The following SDK1 variants were observed in gnomAD, a reference collection of about 807,000 sequenced individuals.
SDK1 encodes sidekick cell adhesion molecule 1.
SDK1 carries 157 observed loss-of-function variants against 245.5 expected under a neutral mutation model. The observed-to-expected ratio is 0.64, with a 90% CI of 0.56 to 0.73. The LOEUF (loss-of-function observed/expected upper bound fraction) is 0.73, where lower values mean the gene tolerates loss of function less well. Ranked by LOEUF, SDK1 falls within the 30% of genes least tolerant of loss-of-function variation. The pLI, the probability that SDK1 is intolerant of heterozygous loss-of-function variation, is 0.00. For missense variants in SDK1, 3,583 were observed against 3,002.3 expected (o/e 1.19, Z -4.52); for synonymous variants, 1,647 against 1,278.5 (o/e 1.29, Z -6.15).
intron 1 of SDK1, among the ~76,000 whole-genome samples, chr7:3,415,490 CAAT>C (rs1276658763): frequency 1.3e-5 from 2 of 151,862 alleles, no homozygotes; most frequent in African/African-American, 2.4e-5. Flanking sequence ...GATTAAAAAA[CAAT>C]GATGAGTGAA....
At chr7:3,840,260 G>C (rs778764420) in intron 5 of SDK1, among the ~76,000 whole-genome samples, 2 of 152,172 alleles carry the variant, frequency 1.3e-5, no homozygotes, top group African/African-American at 4.8e-5. Context: ...TGGGAGGAGC[G>C]GAAGAGGAGG....
intron 22 of SDK1, among the ~76,000 whole-genome samples, chr7:4,096,530 A>C (rs1472490623): frequency 1.3e-5 from 2 of 152,188 alleles, no homozygotes; most frequent in Non-Finnish European, 2.9e-5. Flanking sequence ...TCTTCATCAT[A>C]AAATTCAGAG....
chr7:4,198,230 G>T (rs1456029585), intron 35 of SDK1, among the ~76,000 whole-genome samples: 1 of 152,136 alleles, frequency 6.6e-6, no homozygotes, highest in Non-Finnish European at 1.5e-5. Context: ...TCTGCTAGCG[G>T]CCCAAACCCA....
At chr7:4,167,251 G>A (rs934527149) in intron 32 of SDK1, among the ~76,000 whole-genome samples, 5 of 152,168 alleles carry the variant, frequency 3.3e-5, no homozygotes, top group East Asian at 3.9e-4. Context: ...TTAGCCGGGC[G>A]TGGTGGCGGG....
rs536845322 is a variant in SDK1 at position 3,596,836 on chromosome 7, T to C, written c.299-22244T>C. Among the ~76,000 whole-genome samples, 5 of 152,074 alleles carry C rather than the reference T, an allele frequency of 3.3e-5. No individual in the cohort carries two copies. In the South Asian group the frequency reaches 8.3e-4, roughly 25 times the overall value. On this transcript the variant is annotated intron_variant, in intron 1 of 44. Transcript: ENST00000404826. ...CTGCCACATCATCAGATAACACTTA[T>C]GAACAGAAAAAGGAAAGCACCATAA... is the stretch of plus-strand genomic sequence containing the variant.
intron 1 of SDK1, among the ~76,000 whole-genome samples, chr7:3,545,745 C>A (rs1779203652): frequency 6.6e-6 from 1 of 152,214 alleles, no homozygotes; most frequent in Admixed American, 6.5e-5. Context: ...AGCAAGATGA[C>A]ATTTCTGAGA....
chr7:4,100,932 A>G (rs1782496217), intron 22 of SDK1, among the ~76,000 whole-genome samples: 1 of 152,118 alleles, frequency 6.6e-6, no homozygotes, highest in African/African-American at 2.4e-5. Flanking sequence ...GTGAGCCCCA[A>G]GGTCCACAAC....
chr7:3,748,818 G>C (rs576140982), intron 4 of SDK1, among the ~76,000 whole-genome samples: 1 of 152,200 alleles, frequency 6.6e-6, no homozygotes, highest in Admixed American at 6.5e-5. Flanking sequence ...TAAATCCAAG[G>C]TTTCAGGTAC....
At chr7:3,642,601 T>G (rs1394688631) in intron 4 of SDK1, among the ~76,000 whole-genome samples, 1 of 152,216 alleles carries the variant, frequency 6.6e-6, no homozygotes, top group African/African-American at 2.4e-5. Flanking sequence ...TTTATTTCTC[T>G]TCATCTAATT....
intron 35 of SDK1, among the ~76,000 whole-genome samples, chr7:4,188,996 C>G (rs192014443): frequency 1.3e-5 from 2 of 152,200 alleles, no homozygotes; most frequent in East Asian, 1.9e-4. Context: ...TCTTATTCCT[C>G]TTTGTTTTCT....
chr7:3,746,426 A>G (rs563884012), intron 4 of SDK1, among the ~76,000 whole-genome samples: 3 of 152,248 alleles, frequency 2.0e-5, no homozygotes, highest in African/African-American at 7.2e-5. Context: ...TGCCCCATCA[A>G]TTGATGTCTT....
At chr7:3,314,945 A>T (rs934483319) in intron 1 of SDK1, among the ~76,000 whole-genome samples, 1 of 152,084 alleles carries the variant, frequency 6.6e-6, no homozygotes. Flanking sequence ...AATTGTCCCA[A>T]ATCAGCCAGT....
intron 4 of SDK1, among the ~76,000 whole-genome samples, chr7:3,770,932 C>T (rs1329493608): frequency 6.6e-6 from 1 of 152,096 alleles, no homozygotes; most frequent in Admixed American, 6.5e-5. Context: ...TCCTCCAGTC[C>T]TGGGGTCCCT....
intron 7 of SDK1, among the ~76,000 whole-genome samples, chr7:3,953,946 T>G (rs1177177532): frequency 6.6e-6 from 1 of 152,132 alleles, no homozygotes; most frequent in Non-Finnish European, 1.5e-5. Flanking sequence ...TGGATGAGAT[T>G]ATAATCCCAC....
At chr7:3,603,594 G>C (rs889954931) in intron 1 of SDK1, among the ~76,000 whole-genome samples, 1 of 152,034 alleles carries the variant, frequency 6.6e-6, no homozygotes, top group Non-Finnish European at 1.5e-5. Flanking sequence ...TGAGACGATG[G>C]GGTTTTCTAG....
At chr7:3,309,803 A>G (rs1231403967) in intron 1 of SDK1, among the ~76,000 whole-genome samples, 1 of 152,090 alleles carries the variant, frequency 6.6e-6, no homozygotes, top group East Asian at 1.9e-4. Flanking sequence ...GGCCAAAGGT[A>G]TTTTTACTCT....
At chr7:3,695,451 T>G (rs957505677) in intron 4 of SDK1, among the ~76,000 whole-genome samples, 2 of 152,240 alleles carry the variant, frequency 1.3e-5, no homozygotes, top group Non-Finnish European at 2.9e-5. Context: ...TTCTCTTACA[T>G]ATGTTTTTTG....
chr7:4,163,100 C>T (rs574040482), intron 32 of SDK1, among the ~76,000 whole-genome samples: 36 of 152,288 alleles, frequency 2.4e-4, no homozygotes, highest in African/African-American at 8.4e-4. Context: ...AGGGCAGAGT[C>T]AAAGTTTCTG....
intron 1 of SDK1, among the ~76,000 whole-genome samples, chr7:3,447,653 G>A (rs1780382325): frequency 7.3e-6 from 1 of 136,682 alleles, no homozygotes; most frequent in Non-Finnish European, 1.6e-5. Flanking sequence ...ATTGTTTTTT[G>A]TTTCTGTTAT....
Sources: gnomAD v4.1 joint callset for allele counts (sites outside exome capture counted in the v4.1 genomes callset) on GRCh38, gnomAD v4.1.1 for gene constraint, MANE v1.5 for transcripts, NCBI Gene and HGNC (gene_info 2026-07-23, HGNC 2026-07-21) for gene names.